The following DOCK8 variants were observed in gnomAD, a reference collection of about 807,000 sequenced individuals.
DOCK8 encodes dedicator of cytokinesis protein 8.
DOCK8 carries 141 observed loss-of-function variants against 245.6 expected under a neutral mutation model. The observed-to-expected ratio is 0.57, with a 90% CI of 0.50 to 0.66. The LOEUF (loss-of-function observed/expected upper bound fraction) is 0.66, where lower values mean the gene tolerates loss of function less well. Ranked by LOEUF, DOCK8 falls within the 30% of genes least tolerant of loss-of-function variation. The probability of loss-of-function intolerance (pLI) is 0.00; values close to 1 mark genes in which losing one functional copy is unlikely to be tolerated. For synonymous variants in DOCK8, 1,168 were observed against 970.2 expected (o/e 1.20, Z -3.79); for missense variants, 2,965 against 2,603.4 (o/e 1.14, Z -3.02).
chr9:285,488 G>C (rs915923753), intron 2 of DOCK8, among the ~76,000 whole-genome samples: 1 of 152,116 alleles, frequency 6.6e-6, no homozygotes, highest in African/African-American at 2.4e-5. Flanking sequence ...CCTCCCTTGG[G>C]CTGATGACTC....
intron 22 of DOCK8, among the ~76,000 whole-genome samples, chr9:385,725 T>C (rs574026243): frequency 6.6e-6 from 1 of 152,308 alleles, no homozygotes; most frequent in Admixed American, 6.5e-5. Context: ...CTCAGCCTCA[T>C]ATTGAAAGCC....
At chr9:325,591 T>C (rs1469271285) in intron 7 of DOCK8, 80 bp from the exon 8 acceptor site, 1 of 1,170,428 alleles carries the variant, frequency 8.5e-7, no homozygotes, top group South Asian at 1.2e-5. Context: ...TTTTAACCAG[T>C]TTATCTATCT....
At chr9:277,479 GA>G (rs2048401979) in intron 2 of DOCK8, among the ~76,000 whole-genome samples, 12 of 139,552 alleles carry the variant, frequency 8.6e-5, no homozygotes, top group South Asian at 2.2e-4. Context: ...GAGAAGAGAA[GA>G]GAAGAGAAGA....
intron 28 of DOCK8, among the ~76,000 whole-genome samples, chr9:414,169 A>G (rs1448832638): frequency 6.6e-6 from 1 of 152,210 alleles, no homozygotes; most frequent in Non-Finnish European, 1.5e-5. Flanking sequence ...TTACCATACA[A>G]GCCAGCAAAT....
In DOCK8 at chr9:315,600, T is replaced by C. The variant is rs1239142898; in HGVS notation, c.742-1443T>C. Among the ~76,000 whole-genome samples, 3 of 152,312 alleles carry C rather than the reference T, an allele frequency of 2.0e-5. No individual in the cohort carries two copies. The East Asian group carries it at 5.8e-4, about 29-fold the overall frequency. On this transcript the variant is annotated intron_variant, in intron 6 of 47. Transcript: ENST00000432829. The stretch of plus-strand genomic sequence containing the variant: ...TATCTTTTAAAGATATGTACTGAAA[T>C]ATTTATATATGTATATGGTCTCTGG...
intron 22 of DOCK8, among the ~76,000 whole-genome samples, chr9:383,023 G>A (rs147977787): frequency 1.3e-5 from 2 of 152,024 alleles, no homozygotes; most frequent in Non-Finnish European, 2.9e-5. Flanking sequence ...TACCTGGAAA[G>A]GTTGCCTTTA....
At chr9:324,284 A>T (rs866759026) in intron 7 of DOCK8, among the ~76,000 whole-genome samples, 19 of 152,176 alleles carry the variant, frequency 1.2e-4, no homozygotes, top group Middle Eastern at 3.2e-3. Flanking sequence ...TCCTCTTTTG[A>T]GACAAAGCTA....
intron 26 of DOCK8, among the ~76,000 whole-genome samples, chr9:403,972 ATATGTGT>A (rs2055286878): frequency 2.8e-5 from 2 of 71,254 alleles, no homozygotes; most frequent in African/African-American, 2.1e-4. Flanking sequence ...ATATATATAT[ATATGTGT>A]ATATATATAT....
intron 23 of DOCK8, among the ~76,000 whole-genome samples, chr9:388,729 A>G (rs2054061417): frequency 6.6e-6 from 1 of 151,858 alleles, no homozygotes; most frequent in Non-Finnish European, 1.5e-5. Context: ...TAATTTTTGT[A>G]TTTTTAGTAT....
intron 1 of DOCK8, among the ~76,000 whole-genome samples, chr9:222,905 C>G (rs546677233): frequency 1.6e-4 from 24 of 152,316 alleles, no homozygotes; most frequent in South Asian, 8.3e-4. Flanking sequence ...TAAGCCATAG[C>G]CCTTTTAAAT....
rs2056229829 is a variant in DOCK8 at position 420,454 on chromosome 9, C to T, written c.3894C>T (p.Ile1298=). The T allele has an allele frequency of 6.2e-7, 1 of 1,614,178 alleles. No homozygotes were observed. The change falls in exon 31 of 48, where the codon ATC becomes ATT. Residue 1298 remains isoleucine, a synonymous_variant. Coordinates refer to ENST00000432829, the MANE Select transcript of DOCK8 (RefSeq NM_203447.4). ...LNADTTRNLM[I]CFLWIMKNAD... The stretch of plus-strand genomic sequence containing the variant: ...CGGACACTACTCGCAACCTCATGAT[C>T]TGCTTCCTCTGGATCATGAAAAATG...
intron 5 of DOCK8, among the ~76,000 whole-genome samples, chr9:307,911 A>G (rs890699341): frequency 9.9e-5 from 15 of 152,234 alleles, no homozygotes; most frequent in African/African-American, 3.6e-4. Flanking sequence ...TGTCATTTGC[A>G]TCAACATGGA....
intron 34 of DOCK8, 29 bp downstream of exon 34, chr9:427,010 T>C (rs766592581): frequency 1.1e-5 from 17 of 1,586,578 alleles, no homozygotes; most frequent in Middle Eastern, 1.7e-4. Flanking sequence ...CAATCTGATT[T>C]GTTGGCCATG....
chr9:400,192 AT>A, intron 26 of DOCK8, among the ~76,000 whole-genome samples: 4 of 97,404 alleles, frequency 4.1e-5, no homozygotes, highest in Non-Finnish European at 6.5e-5. Flanking sequence ...CTCCTTCACC[AT>A]CACCATCACC....
chr9:359,746 T>C (rs2052627573), intron 14 of DOCK8, among the ~76,000 whole-genome samples: 1 of 151,590 alleles, frequency 6.6e-6, no homozygotes, highest in Admixed American at 6.6e-5. Flanking sequence ...AGCATCTTTG[T>C]TCATGCAGTT....
chr9:421,898 C>T (rs1397327523), intron 32 of DOCK8, 150 bp from the exon 33 acceptor site: 2 of 717,176 alleles, frequency 2.8e-6, no homozygotes, highest in South Asian at 1.5e-5. Flanking sequence ...ATAGGTGTGG[C>T]GACTTTGTCT....
chr9:218,551 A>G (rs1360638280), intron 1 of DOCK8, among the ~76,000 whole-genome samples: 2 of 152,196 alleles, frequency 1.3e-5, no homozygotes, highest in Non-Finnish European at 2.9e-5. Flanking sequence ...ATTAAATGTC[A>G]TAACATGGTA....
chr9:227,357 T>A (rs1361920508), intron 1 of DOCK8, among the ~76,000 whole-genome samples: 1 of 152,208 alleles, frequency 6.6e-6, no homozygotes, highest in Non-Finnish European at 1.5e-5. Context: ...TACATATATT[T>A]GCTGTCCCTC....
At chr9:225,722 C>T (rs753547710) in intron 1 of DOCK8, among the ~76,000 whole-genome samples, 6 of 151,974 alleles carry the variant, frequency 3.9e-5, no homozygotes, top group Non-Finnish European at 5.9e-5. Context: ...ACTAAATAAA[C>T]AAGGAAACAT....
Sources: allele counts gnomAD v4.1 joint callset (sites outside exome capture counted in the v4.1 genomes callset), GRCh38; gene constraint gnomAD v4.1.1; transcripts MANE v1.5; gene names NCBI Gene and HGNC (gene_info 2026-07-23, HGNC 2026-07-21).